The following PHACTR4 variants were observed in gnomAD, a reference collection of about 807,000 sequenced individuals.
The protein encoded by PHACTR4 is protein phosphatase 1, regulatory subunit 124.
PHACTR4 carries 51 observed loss-of-function variants against 72.7 expected under a neutral mutation model. The ratio of observed to expected loss-of-function variants is 0.70; its 90% confidence interval spans 0.56 to 0.89. PHACTR4 has a LOEUF of 0.89. Among genes scored for constraint, PHACTR4 ranks in the 40% least tolerant of loss-of-function variants. The pLI, the probability that PHACTR4 is intolerant of heterozygous loss-of-function variation, is 0.00. For synonymous variants in PHACTR4, 255 were observed against 302.5 expected, an observed-to-expected ratio of 0.84 and a Z score of 1.63; for missense variants, 731 against 861.8, an observed-to-expected ratio of 0.85 and a Z score of 1.90.
intron 2 of PHACTR4, among the ~76,000 whole-genome samples, chr1:28,436,841 A>G (rs1380833959): frequency 6.6e-6 from 1 of 152,238 alleles, no homozygotes; most frequent in Non-Finnish European, 1.5e-5. Context: ...GCATGTGATT[A>G]GCTGATCTTT....
At chr1:28,394,760 C>T (rs1036381831) in intron 1 of PHACTR4, among the ~76,000 whole-genome samples, 10 of 151,624 alleles carry the variant, frequency 6.6e-5, no homozygotes, top group African/African-American at 2.4e-4. Flanking sequence ...CCACGCCTGG[C>T]TAATTTTGTA....
In PHACTR4 at chr1:28,466,543, A is replaced by C. The variant is rs375108461; in HGVS notation, c.598A>C (p.Ile200Leu). 57 of 1,613,930 alleles carry C rather than the reference A, an allele frequency of 3.5e-5. No homozygotes were observed. The African/African-American group carries it at 7.3e-4, about 21-fold the overall frequency. Residue 200 changes from isoleucine (I) to leucine (L), a missense_variant, in exon 6 of 14, where the codon ATC (isoleucine) becomes CTC (leucine). Coordinates refer to ENST00000373839, the MANE Select transcript of PHACTR4 (RefSeq NM_001048183.3). ...CTCTGGCGGCACGGCAAGGTTCATCATCTCCACCTCCATCACCACAGCACC... is the reference window on the plus strand; with the variant it reads ...CTCTGGCGGCACGGCAAGGTTCATCCTCTCCACCTCCATCACCACAGCACC... ...TSSGGTARFIISTSITTAPAA... is the reference protein window; with the variant it reads ...TSSGGTARFILSTSITTAPAA...
In PHACTR4 at chr1:28,437,055, T is replaced by A. The variant is rs1046244424; in HGVS notation, c.17-22030T>A. Among the ~76,000 whole-genome samples the A allele has an allele frequency of 5.9e-5, 9 of 152,320 alleles. No homozygotes were observed. In the East Asian group the frequency reaches 1.7e-3, roughly 29 times the overall value. On this transcript the variant is annotated intron_variant, in intron 2 of 13. Coordinates refer to ENST00000373839, the MANE Select transcript of PHACTR4 (RefSeq NM_001048183.3). ...GGTATATTCAATCCTAAAATACTGT[T>A]TCTAATGTTATTAATTCCCAGTACA...
At position 28,490,996 on chromosome 1, in the gene PHACTR4, G is replaced by A. The variant is rs1303896640; in HGVS notation, c.1862G>A (p.Arg621His). Reference protein sequence around the residue: ...DRQAEKREIKRRLTRKLSQRP... With the variant: ...DRQAEKREIKHRLTRKLSQRP... ...CAGGCAGAAAAACGAGAAATTAAAC[G>A]TCGGCTCACTAGAAAGGTACTACTG... The change falls in exon 11 of 14, where the codon CGT becomes CAT. Residue 621 changes from arginine (R) to histidine (H), a missense_variant. By Grantham distance (29) the Arg-to-His change is conservative (BLOSUM62 0). Coordinates refer to ENST00000373839, the MANE Select transcript of PHACTR4 (RefSeq NM_001048183.3). 8.1e-6 allele frequency: 13 copies of A among 1,613,758 alleles called. No individual in the cohort carries two copies. The highest frequency in any genetic ancestry group is 4.5e-5 in the East Asian group (2 of 44,882).
intron 2 of PHACTR4, among the ~76,000 whole-genome samples, chr1:28,420,156 G>A (rs948197275): frequency 6.6e-6 from 1 of 152,126 alleles, no homozygotes; most frequent in Non-Finnish European, 1.5e-5. Context: ...CAGGAGGCTG[G>A]GAGAATCACT....
chr1:28,434,813 T>G (rs1476480651), intron 2 of PHACTR4, among the ~76,000 whole-genome samples: 1 of 152,214 alleles, frequency 6.6e-6, no homozygotes, highest in African/African-American at 2.4e-5. Context: ...ATTATAGGAA[T>G]GAGCCACTGT....
chr1:28,458,053 A>G (rs1658520651), intron 2 of PHACTR4, among the ~76,000 whole-genome samples: 1 of 150,538 alleles, frequency 6.6e-6, no homozygotes. Flanking sequence ...AGTTCTGCAC[A>G]TGTATCATGT....
intron 4 of PHACTR4, 36 bp downstream of exon 4, chr1:28,460,328 G>T: frequency 1.4e-6 from 2 of 1,423,172 alleles, no homozygotes; most frequent in Non-Finnish European, 2.0e-6. Context: ...GCCTGTCTCT[G>T]TGCACTTGGT....
At chr1:28,394,263 AAAAAG>A (rs1018350503) in intron 1 of PHACTR4, among the ~76,000 whole-genome samples, 12 of 151,594 alleles carry the variant, frequency 7.9e-5, no homozygotes, top group African/African-American at 2.9e-4. Flanking sequence ...AAAAAAAAAA[AAAAAG>A]AAAGAGGGAC....
chr1:28,398,115 C>G (rs2124232052), intron 1 of PHACTR4, among the ~76,000 whole-genome samples: 1 of 152,274 alleles, frequency 6.6e-6, no homozygotes, highest in African/African-American at 2.4e-5. Context: ...GGAATTGATA[C>G]ATTCGAAGAG....
chr1:28,444,243 T>TTTTTTTTTTTTTTTTTTTTTTTTTTC (rs1553194313), intron 2 of PHACTR4, among the ~76,000 whole-genome samples: 1 of 97,376 alleles, frequency 1.0e-5, no homozygotes. Context: ...TTTTTTTTTT[T>TTTTTTTTTTTTTTTTTTTTTTTTTTC]TGAGACAGAG....
At chr1:28,427,461 C>T (rs1033690463) in intron 2 of PHACTR4, among the ~76,000 whole-genome samples, 9 of 152,122 alleles carry the variant, frequency 5.9e-5, no homozygotes, top group South Asian at 2.1e-4. Flanking sequence ...GGGAGGCGGA[C>T]GTTGCAGTAA....
chr1:28,408,196 G>A (rs1654499820), intron 2 of PHACTR4, among the ~76,000 whole-genome samples: 1 of 152,242 alleles, frequency 6.6e-6, no homozygotes, highest in Non-Finnish European at 1.5e-5. Flanking sequence ...GGTTGGAAAT[G>A]TAGTTCTGCT....
intron 6 of PHACTR4, among the ~76,000 whole-genome samples, chr1:28,472,171 C>T (rs1659602671): frequency 1.3e-5 from 2 of 150,678 alleles, no homozygotes; most frequent in African/African-American, 2.5e-5. Flanking sequence ...CGAGATGGCA[C>T]CACTGCACTC....
intron 9 of PHACTR4, among the ~76,000 whole-genome samples, chr1:28,481,744 C>T (rs1260073145): frequency 6.7e-6 from 1 of 149,858 alleles, no homozygotes; most frequent in Non-Finnish European, 1.5e-5. Context: ...GAGCTGAGAT[C>T]GCGCCACTGT....
At position 28,480,497 on chromosome 1, in the gene PHACTR4, G is replaced by C. The variant is rs377530308; in HGVS notation, c.1653G>C (p.Lys551Asn). Residue 551 changes from lysine to asparagine, a missense_variant, in exon 9 of 14, where the codon AAG becomes AAC. Transcript: ENST00000373839. The stretch of plus-strand genomic sequence containing the variant: ...AGAGGAAAGACACACTGGCAATGAA[G>C]TTGAACCACAGACCCAGTGAACCAG... ...KVKRKDTLAMKLNHRPSEPEL... is the reference protein window; with the variant it reads ...KVKRKDTLAMNLNHRPSEPEL... 8 of 1,614,048 alleles carry C rather than the reference G, an allele frequency of 5.0e-6. No homozygotes were observed. The highest frequency in any genetic ancestry group is 6.8e-6 in the Non-Finnish European group (8 of 1,180,042).
chr1:28,389,034 A>G (rs980741112), intron 1 of PHACTR4, among the ~76,000 whole-genome samples: 3 of 152,192 alleles, frequency 2.0e-5, no homozygotes, highest in South Asian at 2.1e-4. Flanking sequence ...ATCAAACTCA[A>G]AAGCTTCCGC....
Position 28,487,717 on chromosome 1 carries a change from GTTTTTTGTTGTTTTTTTTTTTT to G in PHACTR4, c.1761-1446_1761-1425del, listed in dbSNP as rs1335598830. Among the ~76,000 whole-genome samples the G allele has an allele frequency of 1.1e-3, 113 of 102,458 alleles. 5 individuals carry two copies. The highest frequency in any genetic ancestry group is 4.5e-3 in the African/African-American group (110 of 24,658). 67.2% of individuals were successfully genotyped at this position (102,458 alleles called of 152,430 possible). The stretch of plus-strand genomic sequence containing the variant: ...CTGATTTCAAAAATGACAAATTGTA[GTTTTTTGTTGTTTTTTTTTTTT>G]TTTTTTTTTTTTTTGAGATGGAATC... On this transcript the variant is annotated intron_variant, in intron 9 of 13. Transcript: ENST00000373839.
chr1:28,451,076 T>A (rs1434677033), intron 2 of PHACTR4, among the ~76,000 whole-genome samples: 1 of 148,288 alleles, frequency 6.7e-6, no homozygotes, highest in African/African-American at 2.5e-5. Flanking sequence ...CACCTCGGCC[T>A]CCCAAAATGC....
Sources: allele counts gnomAD v4.1 joint callset (sites outside exome capture counted in the v4.1 genomes callset), GRCh38; gene constraint gnomAD v4.1.1; transcripts MANE v1.5; gene names NCBI Gene and HGNC (gene_info 2026-07-23, HGNC 2026-07-21).